GPR26: variants seen among roughly 807,000 people sequenced by gnomAD.
GPR26 encodes G protein-coupled receptor 26.
Under a neutral mutation model 23.1 loss-of-function variants are expected in GPR26, and 15 were observed. The ratio of observed to expected loss-of-function variants is 0.65; its 90% CI spans 0.43 to 1.00. The LOEUF (loss-of-function observed/expected upper bound fraction) is 1.00. Among genes scored for constraint, GPR26 ranks in the 50% least tolerant of loss-of-function variants. The pLI is 0.00. For missense variants in GPR26, 359 were observed against 470.5 expected (o/e 0.76, Z 2.19); for synonymous variants, 228 against 222.1 (o/e 1.03, Z -0.24).
At position 123,666,848 on chromosome 10, in the gene GPR26, C is replaced by T. The variant is rs755451481; in HGVS notation, c.441C>T (p.Leu147=). Reference sequence around the variant, plus strand: ...CCGCCGCGCTCGCCCTGTCCTGGCTCGGCTTCCACCAGCTGTACGCCTCGT... The same window carrying T: ...CCGCCGCGCTCGCCCTGTCCTGGCTTGGCTTCCACCAGCTGTACGCCTCGT... ...FPAAALALSW[L]GFHQLYASCT... The change falls in exon 1 of 3, where the codon CTC becomes CTT. Residue 147 remains leucine (L), a synonymous_variant. Transcript: ENST00000284674. 32 of 1,610,664 alleles carry T rather than the reference C, an allele frequency of 2.0e-5. 1 individual carries two copies. The South Asian group carries it at 2.9e-4, about 14-fold the overall frequency.
intron 1 of GPR26, among the ~76,000 whole-genome samples, chr10:123,670,405 T>A (rs567191742): frequency 6.6e-6 from 1 of 152,326 alleles, no homozygotes; most frequent in Non-Finnish European, 1.5e-5. Flanking sequence ...CCCCTAAGAT[T>A]TATGGATGGA....
intron 1 of GPR26, among the ~76,000 whole-genome samples, chr10:123,672,085 T>C (rs1297844771): frequency 6.6e-6 from 1 of 152,176 alleles, no homozygotes; most frequent in Non-Finnish European, 1.5e-5. Context: ...TGTTCTCACC[T>C]GGAAAGCAGG....
chr10:123,678,408 C>T (rs1006228975), intron 2 of GPR26, among the ~76,000 whole-genome samples: 5 of 152,202 alleles, frequency 3.3e-5, no homozygotes, highest in African/African-American at 7.2e-5. Flanking sequence ...CTTTCTCTCC[C>T]GTCAGGGCCC....
rs1364284103 is a variant in GPR26, at chr10:123,693,775, TG to T, written c.*5620del. Reference sequence around the variant, plus strand: ...TGAAAGAGCAGGAGCCAGACACATTTGGGGGTTGACTGTCTAGAAAGGAGGA... The same window carrying T: ...TGAAAGAGCAGGAGCCAGACACATTTGGGGTTGACTGTCTAGAAAGGAGGA... On this transcript the variant is annotated 3_prime_UTR_variant, in exon 3 of 3. Coordinates refer to ENST00000284674, the MANE Select transcript of GPR26 (RefSeq NM_153442.4). 1 of 152,124 alleles carries T rather than the reference TG, an allele frequency of 6.6e-6. No homozygotes were observed. The highest frequency in any genetic ancestry group is 1.9e-4 in the East Asian group (1 of 5,186). The allele number at this position is 152,124 out of a possible 1,614,324, so 9.4% of individuals were successfully genotyped here. A position where few individuals can be genotyped will look rare whatever the true frequency, so the allele number is the denominator to read the frequency against.
chr10:123,683,421 G>C (rs971745200), intron 2 of GPR26, among the ~76,000 whole-genome samples: 9 of 152,386 alleles, frequency 5.9e-5, no homozygotes, highest in African/African-American at 1.9e-4. Context: ...AGGAGGTGCT[G>C]GGTCAGGGGC....
chr10:123,666,636 C>G lies in GPR26; in HGVS notation c.229C>G (p.Arg77Gly), dbSNP rs1204946041. Residue 77 changes from arginine to glycine, a missense_variant, in exon 1 of 3, where the codon CGC becomes GGC. Coordinates refer to ENST00000284674, the MANE Select transcript of GPR26 (RefSeq NM_153442.4). ...VVAQRQPAGDRLCRLAAFLDT... is the reference protein window; with the variant it reads ...VVAQRQPAGDGLCRLAAFLDT... ...GGCGCAGCGGCAGCCGGCGGGCGAC[C>G]GCCTGTGCCGCCTGGCTGCCTTCCT... 6.3e-7 allele frequency: 1 copy of G among 1,592,244 alleles called. No individual in the cohort carries two copies. The highest frequency in any genetic ancestry group is 8.5e-7 in the Non-Finnish European group (1 of 1,173,890).
rs940574515 is a variant in GPR26, at chr10:123,688,527, C to T, written c.*367C>T. On this transcript the variant is annotated 3_prime_UTR_variant, in exon 3 of 3. Transcript: ENST00000284674. The stretch of plus-strand genomic sequence containing the variant: ...ATGGTGTCCACCTGCCTGCTGACCA[C>T]TGGACGCTGCTCCATGCTGAAGAAA... 3.4e-6 allele frequency: 1 copy of T among 292,102 alleles called. No individual in the cohort carries two copies. The highest frequency in any genetic ancestry group is 4.7e-5 in the Admixed American group (1 of 21,256). The allele number at this position is 292,102 out of a possible 1,614,324, so 18.1% of individuals were successfully genotyped here.
At chr10:123,675,726 C>T (rs1432851575) in intron 2 of GPR26, among the ~76,000 whole-genome samples, 1 of 151,578 alleles carries the variant, frequency 6.6e-6, no homozygotes, top group Non-Finnish European at 1.5e-5. Context: ...AAAAAAGGAA[C>T]TTTGATGGTT....
rs1333929183 is a variant in GPR26 at position 123,692,930 on chromosome 10, A to G, written c.*4770A>G. On this transcript the variant is annotated 3_prime_UTR_variant, in exon 3 of 3. Coordinates refer to ENST00000284674, the MANE Select transcript of GPR26 (RefSeq NM_153442.4). Reference sequence around the variant, plus strand: ...CTTTCCCTAATTCTCCAAACGGTTCAATCTCCAGTTTTATTCAGGGACTGG... The same window carrying G: ...CTTTCCCTAATTCTCCAAACGGTTCGATCTCCAGTTTTATTCAGGGACTGG... 1 of 152,104 alleles carries G rather than the reference A, an allele frequency of 6.6e-6. No homozygotes were observed. The highest frequency in any genetic ancestry group is 1.5e-5 in the Non-Finnish European group (1 of 68,030). The allele number at this position is 152,104 out of a possible 1,614,324, so 9.4% of individuals were successfully genotyped here.
rs1278306340 is a variant in GPR26, at chr10:123,691,117, G to A, written c.*2957G>A. The A allele has an allele frequency of 6.6e-6, 1 of 152,106 alleles. No individual in the cohort carries two copies. 9.4% of individuals were successfully genotyped at this position (152,106 alleles called of 1,614,324 possible). A position where few individuals can be genotyped will look rare whatever the true frequency, so the allele number is the denominator to read the frequency against. ...TTTAAGTCACGCTGCAACTATTCCG[G>A]CTTTTTATATGGCACCTTTCTGAGG... On this transcript the variant is annotated 3_prime_UTR_variant, in exon 3 of 3. Coordinates refer to ENST00000284674, the MANE Select transcript of GPR26 (RefSeq NM_153442.4).
rs982363988 is a variant in GPR26, at chr10:123,696,273, C to A, written c.*8113C>A. 1.3e-5 allele frequency among the ~76,000 whole-genome samples: 2 copies of A among 152,228 alleles called. No individual in the cohort carries two copies. Among genetic ancestry groups the A allele is most frequent in the Non-Finnish European group, 2.9e-5 (2 of 68,044 alleles). On this transcript the variant is annotated 3_prime_UTR_variant, in exon 3 of 3. Transcript: ENST00000284674. ...TCTGCCCAGTGTCCAATGGGAGAAC[C>A]ATCCCTTCCCTTTAGTGAGAGGACA... is the stretch of plus-strand genomic sequence containing the variant.
Position 123,687,980 on chromosome 10 carries a change from G to C in GPR26, c.834G>C (p.Leu278=), listed in dbSNP as rs752930101. ...TVPIGSHWGV[L]SKCLAYSKAA... is the part of the protein sequence containing the mutation. The stretch of plus-strand genomic sequence containing the variant: ...CCATCGGCTCCCACTGGGGGGTGCT[G>C]TCCAAGTGCTTGGCGTACAGCAAGG... Residue 278 remains leucine (L), a synonymous_variant, in exon 3 of 3, where the codon CTG becomes CTC. Coordinates refer to ENST00000284674, the MANE Select transcript of GPR26 (RefSeq NM_153442.4). The C allele has an allele frequency of 3.3e-5, 53 of 1,613,840 alleles. No individual in the cohort carries two copies. Among genetic ancestry groups the C allele is most frequent in the Non-Finnish European group, 4.5e-5 (53 of 1,179,954 alleles).
chr10:123,681,585 GGGAGGCCA>G (rs547332151), intron 2 of GPR26, among the ~76,000 whole-genome samples: 1 of 152,202 alleles, frequency 6.6e-6, no homozygotes, highest in Non-Finnish European at 1.5e-5. Context: ...GCTGGGAGCT[GGGAGGCCA>G]GGATATTGAG....
rs532982362 is a variant in GPR26 at position 123,697,281 on chromosome 10, G to A, written c.*9121G>A. Among the ~76,000 whole-genome samples, 48 of 152,196 alleles carry A rather than the reference G, an allele frequency of 3.2e-4. No individual in the cohort carries two copies. Among genetic ancestry groups the A allele is most frequent in the African/African-American group, 1.1e-3 (44 of 41,518 alleles). Reference sequence around the variant, plus strand: ...AATGCTGCCTGCTCTGTTTACAATGGTTTGTGTTTTGTGGATACATATCAA... The same window carrying A: ...AATGCTGCCTGCTCTGTTTACAATGATTTGTGTTTTGTGGATACATATCAA... On this transcript the variant is annotated 3_prime_UTR_variant, in exon 3 of 3. Transcript: ENST00000284674.
rs1459877422 is a variant in GPR26 at position 123,687,957 on chromosome 10, A to G, written c.811A>G (p.Ile271Val). 1 of 1,613,486 alleles carries G rather than the reference A, an allele frequency of 6.2e-7. No individual in the cohort carries two copies. Among genetic ancestry groups the G allele is most frequent in the Non-Finnish European group, 8.5e-7 (1 of 1,179,636 alleles). Residue 271 changes from isoleucine (I) to valine (V), a missense_variant, in exon 3 of 3, where the codon ATC (isoleucine) becomes GTC (valine). Ile to Val is a conservative substitution (Grantham distance 29, BLOSUM62 3). Transcript: ENST00000284674. The part of the protein sequence containing the change: ...RLVELFSTVP[I>V]GSHWGVLSKC... The stretch of plus-strand genomic sequence containing the variant: ...AGTGGAGCTCTTCTCCACGGTGCCC[A>G]TCGGCTCCCACTGGGGGGTGCTGTC...
rs967517565 is a variant in GPR26 at position 123,693,511 on chromosome 10, C to T, written c.*5351C>T. 6.6e-6 allele frequency: 1 copy of T among 152,370 alleles called. No homozygotes were observed. The highest frequency in any genetic ancestry group is 2.1e-4 in the South Asian group (1 of 4,824). The allele number at this position is 152,370 out of a possible 1,614,324, so 9.4% of individuals were successfully genotyped here. A position where few individuals can be genotyped will look rare whatever the true frequency, so the allele number is the denominator to read the frequency against. The stretch of plus-strand genomic sequence containing the variant: ...TGGAGCTTGGCCTCTACGGTCTGTT[C>T]TTGCAGATTCAGGAGAGAAAGTGGT... On this transcript the variant is annotated 3_prime_UTR_variant, in exon 3 of 3. Coordinates refer to ENST00000284674, the MANE Select transcript of GPR26 (RefSeq NM_153442.4).
At chr10:123,684,102 C>A (rs1275526374) in intron 2 of GPR26, among the ~76,000 whole-genome samples, 2 of 151,278 alleles carry the variant, frequency 1.3e-5, no homozygotes, top group African/African-American at 4.9e-5. Context: ...TGTGTCAGGG[C>A]AGGCATGTGA....
chr10:123,686,413 A>G (rs978717119), intron 2 of GPR26, among the ~76,000 whole-genome samples: 1 of 152,150 alleles, frequency 6.6e-6, no homozygotes, highest in African/African-American at 2.4e-5. Flanking sequence ...CAGGCTCCCA[A>G]GCATATGAGA....
At chr10:123,682,150 A>C (rs980969386) in intron 2 of GPR26, among the ~76,000 whole-genome samples, 1 of 152,232 alleles carries the variant, frequency 6.6e-6, no homozygotes, top group Non-Finnish European at 1.5e-5. Flanking sequence ...ACATGAACTC[A>C]GATGGCCTCC....
Sources: gnomAD v4.1 joint callset for allele counts (sites outside exome capture counted in the v4.1 genomes callset) on GRCh38, gnomAD v4.1.1 for gene constraint, MANE v1.5 for transcripts, NCBI Gene and HGNC (gene_info 2026-07-23, HGNC 2026-07-21) for gene names.